Variants in ZNF423 observed in about 807,000 individuals in gnomAD.
ZNF423 encodes zinc finger protein 423, also known as Ebf-associated zinc finger protein.
In ZNF423, 12 loss-of-function variants were observed where a neutral mutation model predicts 95.8. The ratio of observed to expected loss-of-function variants is 0.13; its 90% CI spans 0.08 to 0.20. The LOEUF (loss-of-function observed/expected upper bound fraction) is 0.20, where lower values mean the gene tolerates loss of function less well. Among genes scored for constraint, ZNF423 ranks in the 10% least tolerant of loss-of-function variants. The pLI is 1.00. For missense variants in ZNF423, 1,316 were observed against 1,737.1 expected (o/e 0.76, Z 4.31); for synonymous variants, 749 against 711.9 (o/e 1.05, Z -0.83).
rs779984367 is a variant in ZNF423 at position 49,635,718 on chromosome 16, T to A, written c.3458A>T (p.Asp1153Val). 1 of 1,609,196 alleles carries A rather than the reference T, an allele frequency of 6.2e-7. No individual in the cohort carries two copies. The highest frequency in any genetic ancestry group is 1.1e-5 in the South Asian group (1 of 90,526). Residue 1153 changes from aspartate to valine, a missense_variant, in exon 4 of 8, where the codon GAC (aspartate) becomes GTC (valine). By Grantham distance (152) the Asp-to-Val change is radical (BLOSUM62 -3). Coordinates refer to ENST00000563137, the MANE Select transcript of ZNF423 (RefSeq NM_001379286.1). This position sits in a 1 kb window ranked among gnomAD's most constrained non-coding sequence, Gnocchi z 4.8. ...GGGCCCACTGGTCTCCGGCGTGAGG[T>A]CACGGTGGTCCACCTGCATGTGGCT... Reference protein sequence around the residue: ...LESHMQVDHRDLTPETSGPRK... With the variant: ...LESHMQVDHRVLTPETSGPRK...
chr16:49,832,471 C>T (rs983191865), intron 1 of ZNF423, among the ~76,000 whole-genome samples: 3 of 151,768 alleles, frequency 2.0e-5, no homozygotes, highest in Admixed American at 2.0e-4. Context: ...ATATGGACAT[C>T]AGGAGAGCTT....
At chr16:49,618,130 C>T (rs575465963) in intron 5 of ZNF423, among the ~76,000 whole-genome samples, 1 of 152,338 alleles carries the variant, frequency 6.6e-6, no homozygotes, top group South Asian at 2.1e-4. Context: ...GGGTTAAGGG[C>T]GCAGGCCCCG....
At chr16:49,623,025 G>A (rs369865611) in intron 5 of ZNF423, among the ~76,000 whole-genome samples, 1 of 152,070 alleles carries the variant, frequency 6.6e-6, no homozygotes, top group East Asian at 1.9e-4. Context: ...TGGTAGACTG[G>A]GTTGATGAGG....
At chr16:49,842,313 GAA>G (rs2035194309) in intron 1 of ZNF423, among the ~76,000 whole-genome samples, 1 of 37,668 alleles carries the variant, frequency 2.7e-5, no homozygotes. Context: ...GGAGGCGAGG[GAA>G]GGGAAGGGAA....
At chr16:49,528,814 G>A (rs1273549973) in intron 5 of ZNF423, among the ~76,000 whole-genome samples, 2 of 152,056 alleles carry the variant, frequency 1.3e-5, no homozygotes, top group Non-Finnish European at 2.9e-5. Context: ...CCTAGTTAGT[G>A]TGACAAACAC....
intron 3 of ZNF423, among the ~76,000 whole-genome samples, chr16:49,686,333 C>T (rs1319704311): frequency 2.6e-5 from 4 of 152,166 alleles, no homozygotes; most frequent in African/African-American, 9.7e-5. Flanking sequence ...TTAGCATCAT[C>T]CAAAGTGCAA....
chr16:49,575,507 C>T (rs376453341), intron 5 of ZNF423, among the ~76,000 whole-genome samples: 68 of 152,182 alleles, frequency 4.5e-4, no homozygotes, highest in African/African-American at 1.6e-3. Flanking sequence ...GAGCTAAGTG[C>T]AGAGCATGTG....
chr16:49,720,217 A>G (rs1310416578), intron 3 of ZNF423, among the ~76,000 whole-genome samples: 1 of 152,228 alleles, frequency 6.6e-6, no homozygotes, highest in Non-Finnish European at 1.5e-5. Context: ...TCACTCTTCC[A>G]CAAGATGCAA....
At position 49,626,151 on chromosome 16, in the gene ZNF423, G is replaced by T. The variant is rs763174963; in HGVS notation, c.3601+19C>A. On this transcript the variant is annotated intron_variant, in intron 5 of 7. Transcript: ENST00000563137. ...CCAAAGAGTAGCTCCAGCATGGCTG[G>T]GAGGAAATGCTCTCTTACCAATCAT... The T allele has an allele frequency of 1.7e-5, 27 of 1,612,424 alleles. No homozygotes were observed. The Admixed American group carries it at 3.5e-4, about 21-fold the overall frequency.
At chr16:49,849,292 T>C (rs913255219) in intron 1 of ZNF423, among the ~76,000 whole-genome samples, 1 of 152,124 alleles carries the variant, frequency 6.6e-6, no homozygotes, top group African/African-American at 2.4e-5. Context: ...GAGATACAAA[T>C]GCCTATAAAT....
intron 5 of ZNF423, among the ~76,000 whole-genome samples, chr16:49,543,057 T>C (rs1969308494): frequency 6.6e-6 from 1 of 152,146 alleles, no homozygotes; most frequent in Admixed American, 6.5e-5. Context: ...TATTTGTATT[T>C]TGAATGCTAA....
intron 3 of ZNF423, among the ~76,000 whole-genome samples, chr16:49,661,426 C>T (rs930147317): frequency 6.6e-6 from 1 of 152,232 alleles, no homozygotes; most frequent in African/African-American, 2.4e-5. Flanking sequence ...AACCTCCTTA[C>T]TTCCTAACCA....
chr16:49,746,113 TAAC>T (rs2033518827), intron 2 of ZNF423, among the ~76,000 whole-genome samples: 2 of 152,088 alleles, frequency 1.3e-5, no homozygotes, highest in Non-Finnish European at 2.9e-5. Context: ...TCCCCACCTG[TAAC>T]AACATCCTAC....
At chr16:49,801,420 G>A (rs144172639) in intron 1 of ZNF423, among the ~76,000 whole-genome samples, 9 of 152,308 alleles carry the variant, frequency 5.9e-5, no homozygotes, top group South Asian at 2.1e-4. Context: ...CAGACGAGGC[G>A]GCAAAAGCAG....
At chr16:49,740,555 C>T (rs1361038156) in intron 2 of ZNF423, among the ~76,000 whole-genome samples, 1 of 152,230 alleles carries the variant, frequency 6.6e-6, no homozygotes, top group Non-Finnish European at 1.5e-5. Flanking sequence ...GGCAGCAGAG[C>T]TCTAGGCAAA....
rs569421757 is a variant in ZNF423, at chr16:49,631,276, C to T, written c.3516+4384G>A. Among the ~76,000 whole-genome samples, 15 of 152,282 alleles carry T rather than the reference C, an allele frequency of 9.9e-5. No homozygotes were observed. In the East Asian group the frequency reaches 2.7e-3, roughly 27 times the overall value. On this transcript the variant is annotated intron_variant, in intron 4 of 7. Transcript: ENST00000563137. ...CACGTACCACACACCCTCATGTACA[C>T]ACATGTAGACTCATAAGTGCTCACA...
chr16:49,639,943 C>A (rs918368978), intron 3 of ZNF423, among the ~76,000 whole-genome samples: 11 of 152,202 alleles, frequency 7.2e-5, no homozygotes, highest in Non-Finnish European at 1.5e-4. Context: ...CCGAGCAGAG[C>A]CAGCCCGGGC....
chr16:49,609,310 A>C (rs577819092), intron 5 of ZNF423, among the ~76,000 whole-genome samples: 1 of 152,350 alleles, frequency 6.6e-6, no homozygotes, highest in South Asian at 2.1e-4. Flanking sequence ...TAAAGATTTC[A>C]ATCAAAAATC....
chr16:49,837,580 C>A (rs1185588461), intron 1 of ZNF423, among the ~76,000 whole-genome samples: 1 of 152,220 alleles, frequency 6.6e-6, no homozygotes, highest in East Asian at 1.9e-4. Context: ...CCATCTCTCC[C>A]AGTACCCGAC....
Sources: gnomAD v4.1 joint callset for allele counts (sites outside exome capture counted in the v4.1 genomes callset) on GRCh38, gnomAD v4.1.1 for gene constraint, Gnocchi (gnomAD v3.1) non-coding constraint, MANE v1.5 for transcripts, NCBI Gene and HGNC (gene_info 2026-07-23, HGNC 2026-07-21) for gene names.